IFT74: variants seen among roughly 807,000 people sequenced by gnomAD.
The protein encoded by IFT74 is intraflagellar transport protein 74 homolog.
A neutral mutation model predicts 96.7 loss-of-function variants in IFT74; 92 were observed. That is an observed-to-expected ratio of 0.95 (90% CI 0.80 to 1.13). The LOEUF is 1.13. Among genes scored for constraint, IFT74 ranks in the 50% most tolerant of loss-of-function variants. The pLI, the probability that IFT74 is intolerant of heterozygous loss-of-function variation, is 0.00. For missense variants in IFT74, 811 were observed against 698.2 expected, an observed-to-expected ratio of 1.16 and a Z score of -1.82; for synonymous variants, 223 against 213.2, an observed-to-expected ratio of 1.05 and a Z score of -0.40.
intron 4 of IFT74, among the ~76,000 whole-genome samples, chr9:26,981,315 C>T (rs1175676237): frequency 1.3e-5 from 2 of 152,106 alleles, no homozygotes; most frequent in Non-Finnish European, 2.9e-5. Flanking sequence ...GGCATGATCA[C>T]AGCTCACTGC....
At position 26,979,703 on chromosome 9, in the gene IFT74, C is replaced by CTTTTTTTTT. The variant is rs951706952; in HGVS notation, c.257-849_257-841dup. ...GAGACATTTAACCTAGGAACACTTT[C>CTTTTTTTTT]TTTTTTTTTTTTTTTTTTTTTTTTT... On this transcript the variant is annotated intron_variant, in intron 3 of 19. Transcript: ENST00000380062. 1.7e-4 allele frequency among the ~76,000 whole-genome samples: 13 copies of CTTTTTTTTT among 75,490 alleles called. 2 individuals carry two copies. The highest frequency in any genetic ancestry group is 5.8e-4 in the South Asian group (1 of 1,732). The allele number at this position is 75,490 out of a possible 152,430, so 49.5% of individuals were successfully genotyped here.
At chr9:26,997,778 C>T (rs1401600262) in intron 8 of IFT74, 3 of 1,613,106 alleles carry the variant, frequency 1.9e-6, no homozygotes, top group Middle Eastern at 1.7e-4. Flanking sequence ...AAATAGACTG[C>T]AAGAGCAGTT....
At chr9:26,965,038 A>G (rs985666386) in intron 2 of IFT74, among the ~76,000 whole-genome samples, 2 of 152,170 alleles carry the variant, frequency 1.3e-5, no homozygotes, top group Non-Finnish European at 2.9e-5. Flanking sequence ...ACAACCTAGA[A>G]GACTTACAAC....
Position 27,056,322 on chromosome 9 carries a change from G to A in IFT74, c.1498-12G>A. ...TTTCTATAACCTGTCACTTCTATTT[G>A]GATCTTTCTAGAAATTACATCAGGA... On this transcript the variant is annotated splice_polypyrimidine_tract_variant and intron_variant, in intron 17 of 19. Coordinates refer to ENST00000380062, the MANE Select transcript of IFT74 (RefSeq NM_025103.4). 2 of 1,538,952 alleles carry A rather than the reference G, an allele frequency of 1.3e-6. No individual in the cohort carries two copies. The highest frequency in any genetic ancestry group is 1.8e-6 in the Non-Finnish European group (2 of 1,131,792).
chr9:26,976,084 G>T (rs575057614), intron 2 of IFT74, among the ~76,000 whole-genome samples: 1 of 152,112 alleles, frequency 6.6e-6, no homozygotes, highest in Non-Finnish European at 1.5e-5. Flanking sequence ...TTACTTGGTC[G>T]CCGCGGTGTT....
rs1447069628 is a variant in IFT74 at position 27,055,770 on chromosome 9, A to G, written c.1495A>G (p.Lys499Glu). 6.6e-7 allele frequency: 1 copy of G among 1,523,656 alleles called. No individual in the cohort carries two copies. The highest frequency in any genetic ancestry group is 1.4e-5 in the African/African-American group (1 of 69,726). 94.4% of individuals were successfully genotyped at this position (1,523,656 alleles called of 1,614,324 possible). A position where few individuals can be genotyped will look rare whatever the true frequency, so the allele number is the denominator to read the frequency against. ...AAAATCATCAGGTGAAGAAAAGATA[A>G]AGGTAAATGTTAACCAAGTCTTACA... ...ALKSSGEEKIKKLHQERMILS... is the reference protein window; with the variant it reads ...ALKSSGEEKIEKLHQERMILS... The change falls in exon 17 of 20, where the codon AAG (lysine) becomes GAG (glutamate). Residue 499 changes from lysine to glutamate, a missense_variant and splice_region_variant. Transcript: ENST00000380062.
intron 8 of IFT74, among the ~76,000 whole-genome samples, chr9:27,007,502 G>C (rs147666379): frequency 1.3e-5 from 2 of 152,248 alleles, no homozygotes; most frequent in Non-Finnish European, 2.9e-5. Context: ...AAACACATTT[G>C]TTTTACTGTT....
At chr9:27,015,463 C>T (rs1445177109) in intron 10 of IFT74, among the ~76,000 whole-genome samples, 1 of 151,914 alleles carries the variant, frequency 6.6e-6, no homozygotes, top group African/African-American at 2.4e-5. Context: ...ATGGTGAAAC[C>T]CCATCTCTAC....
intron 8 of IFT74, among the ~76,000 whole-genome samples, chr9:26,990,829 G>C (rs1337169885): frequency 6.6e-6 from 1 of 152,170 alleles, no homozygotes; most frequent in Non-Finnish European, 1.5e-5. Flanking sequence ...GAGTTAACTA[G>C]GGATACTCAG....
intron 8 of IFT74, among the ~76,000 whole-genome samples, chr9:26,991,948 G>C (rs914471982): frequency 6.6e-6 from 1 of 151,978 alleles, no homozygotes; most frequent in Non-Finnish European, 1.5e-5. Context: ...AGAATCACTT[G>C]AACCTGGGAG....
At chr9:26,963,529 G>A (rs930000199) in intron 2 of IFT74, among the ~76,000 whole-genome samples, 24 of 150,516 alleles carry the variant, frequency 1.6e-4, no homozygotes, top group African/African-American at 5.4e-4. Context: ...CTGAGGAATC[G>A]CCACACTGAC....
chr9:26,957,079 A>G (rs1826141557), intron 1 of IFT74, among the ~76,000 whole-genome samples: 1 of 152,216 alleles, frequency 6.6e-6, no homozygotes, highest in Non-Finnish European at 1.5e-5. Context: ...TGTCAGCACT[A>G]GTTTGTATCG....
At chr9:27,040,054 A>G (rs937668211) in intron 13 of IFT74, among the ~76,000 whole-genome samples, 2 of 152,234 alleles carry the variant, frequency 1.3e-5, no homozygotes, top group African/African-American at 2.4e-5. Context: ...AGATAACTCA[A>G]TATGAATTAA....
At chr9:26,988,867 G>A (rs1827750349) in intron 7 of IFT74, 139 bp downstream of exon 7, 1 of 817,528 alleles carries the variant, frequency 1.2e-6, no homozygotes, top group East Asian at 3.6e-5. Context: ...CCACTATTAG[G>A]TATTCCTTGA....
At chr9:27,059,232 G>A (rs1820304419) in intron 18 of IFT74, among the ~76,000 whole-genome samples, 1 of 152,166 alleles carries the variant, frequency 6.6e-6, no homozygotes, top group African/African-American at 2.4e-5. Context: ...AACTGATTAA[G>A]TCAAATCCTG....
upstream of IFT74, chr9:26,955,652 T>G (rs766111025): frequency 6.6e-6 from 1 of 152,074 alleles, no homozygotes; most frequent in Non-Finnish European, 1.5e-5. Context: ...ATTATCTCAT[T>G]TTGTGTTGTA....
chr9:26,998,123 C>T (rs775998157), intron 8 of IFT74: 1 of 1,612,730 alleles, frequency 6.2e-7, no homozygotes, highest in South Asian at 1.1e-5. Flanking sequence ...CTGTAGAACT[C>T]TTGTGTCTGT....
chr9:27,040,890 A>G (rs940514716), intron 13 of IFT74, among the ~76,000 whole-genome samples: 2 of 152,132 alleles, frequency 1.3e-5, no homozygotes, highest in Admixed American at 1.3e-4. Flanking sequence ...GAGTCAGGAG[A>G]ACGTCATTTG....
chr9:27,010,764 G>T (rs374196161), intron 9 of IFT74, among the ~76,000 whole-genome samples: 36 of 151,930 alleles, frequency 2.4e-4, no homozygotes, highest in Non-Finnish European at 4.4e-4. Flanking sequence ...CACTGTGCCC[G>T]GCCGAGATCC....
Sources: allele counts gnomAD v4.1 joint callset (sites outside exome capture counted in the v4.1 genomes callset), GRCh38; gene constraint gnomAD v4.1.1; transcripts MANE v1.5; gene names NCBI Gene and HGNC (gene_info 2026-07-23, HGNC 2026-07-21).